The following STARD8 variants were observed in gnomAD, a reference collection of about 807,000 sequenced individuals.
STARD8 encodes StAR related lipid transfer domain containing 8, also known as stAR-related lipid transfer protein 8.
In STARD8, 25 loss-of-function variants were observed where a neutral mutation model predicts 69.4. The ratio of observed to expected loss-of-function variants is 0.36; its 90% CI spans 0.26 to 0.50. The LOEUF (loss-of-function observed/expected upper bound fraction) is 0.50, where lower values mean the gene tolerates loss of function less well. STARD8 is among the 20% of genes least tolerant of loss of function. STARD8 has a pLI of 0.96. For missense variants in STARD8, 921 were observed against 932.5 expected (o/e 0.99, Z 0.16); for synonymous variants, 389 against 374.6 (o/e 1.04, Z -0.45).
intron 2 of STARD8, among the ~76,000 whole-genome samples, chrX:68,676,297 G>T (rs964297142): frequency 8.9e-6 from 1 of 112,151 alleles, no homozygotes; most frequent in Non-Finnish European, 1.9e-5. Context: ...AGCAAGCCAA[G>T]GTTGTAGCCC....
intron 2 of STARD8, among the ~76,000 whole-genome samples, chrX:68,668,375 G>A (rs1306644943): frequency 1.0e-5 from 1 of 100,261 alleles, no homozygotes; most frequent in African/African-American, 3.7e-5. Flanking sequence ...TCAGGCTGAA[G>A]CGCAGTGGTG....
rs145453283 is a variant in STARD8, at chrX:68,718,136, G to A, written c.1222G>A (p.Ala408Thr). The A allele has an allele frequency of 1.4e-4, 170 of 1,210,157 alleles. No individual in the cohort carries two copies. In the African/African-American group the frequency reaches 2.5e-3, roughly 18 times the overall value. Reference sequence around the variant, plus strand: ...GCAACGAGTAGAGCTGTGGTCTCGGGCCATGTACCCAGACCTGGGGCCTGG... The same window carrying A: ...GCAACGAGTAGAGCTGTGGTCTCGGACCATGTACCCAGACCTGGGGCCTGG... ...LQQRVELWSR[A>T]MYPDLGPGDE... The change falls in exon 6 of 15, where the codon GCC becomes ACC. Residue 408 changes from alanine to threonine, a missense_variant. Physicochemically the swap from Ala to Thr is moderately conservative, Grantham distance 58. Transcript: ENST00000374599.
chrX:68,702,747 T>C (rs866785728), intron 2 of STARD8, among the ~76,000 whole-genome samples: 1 of 110,803 alleles, frequency 9.0e-6, no homozygotes, highest in Non-Finnish European at 1.9e-5. Flanking sequence ...AGAGATATTA[T>C]TGGAGCACTT....
intron 3 of STARD8, among the ~76,000 whole-genome samples, chrX:68,713,983 C>A (rs754804359): frequency 1.2e-3 from 134 of 111,894 alleles, no homozygotes; most frequent in Non-Finnish European, 1.9e-3. Flanking sequence ...CTCCTTGTTC[C>A]CATCTCCTAT....
chrX:68,715,807 G>A lies in STARD8; in HGVS notation c.233+432G>A, dbSNP rs186928766. On this transcript the variant is annotated intron_variant, in intron 4 of 14. Transcript: ENST00000374599. Reference sequence around the variant, plus strand: ...AGATCGATCTAGATCCACCAGCGTCGCATTGTAACAGCTCCAAATGGTTGT... The same window carrying A: ...AGATCGATCTAGATCCACCAGCGTCACATTGTAACAGCTCCAAATGGTTGT... Among the ~76,000 whole-genome samples, 721 of 111,417 alleles carry A rather than the reference G, an allele frequency of 6.5e-3. 3 individuals are homozygous for A. The highest frequency in any genetic ancestry group is 0.022 in the African/African-American group (685 of 30,633).
At position 68,724,334 on chromosome X, in the gene STARD8, T is replaced by C. The variant is rs745813293; in HGVS notation, c.3224T>C (p.Val1075Ala). The change falls in exon 15 of 15, where the codon GTC (valine) becomes GCC (alanine). Residue 1075 changes from valine to alanine, a missense_variant. Val to Ala is a moderately conservative substitution (Grantham distance 64). Transcript: ENST00000374599. The part of the protein sequence containing the change: ...RGRSPDWYNK[V>A]FGHLCAMEVA... ...CGTTCTCCTGACTGGTACAACAAAGTCTTTGGACACCTGTGTGCCATGGAA... is the reference window on the plus strand; with the variant it reads ...CGTTCTCCTGACTGGTACAACAAAGCCTTTGGACACCTGTGTGCCATGGAA... 4 of 1,209,914 alleles carry C rather than the reference T, an allele frequency of 3.3e-6. No homozygotes were observed. The highest frequency in any genetic ancestry group is 1.8e-5 in the South Asian group (1 of 56,426).
At chrX:68,663,620 G>A (rs1397137204) in intron 1 of STARD8, among the ~76,000 whole-genome samples, 1 of 111,421 alleles carries the variant, frequency 9.0e-6, no homozygotes, top group East Asian at 2.8e-4. Context: ...ATAGAGTACA[G>A]TCTGTCCCAC....
At chrX:68,676,391 G>GA (rs1356746212) in intron 2 of STARD8, among the ~76,000 whole-genome samples, 3 of 112,426 alleles carry the variant, frequency 2.7e-5, no homozygotes, top group Non-Finnish European at 5.6e-5. Flanking sequence ...ATGAGGAAAG[G>GA]AAAGAAAACA....
In STARD8 at chrX:68,647,683, C is replaced by A; in HGVS notation, c.-200C>A. Reference sequence around the variant, plus strand: ...CCTCCCTCGGTGGCCTTCCAGGAGGCGGGAGGCGCCCGCTGTCGAGGCAGC... The same window carrying A: ...CCTCCCTCGGTGGCCTTCCAGGAGGAGGGAGGCGCCCGCTGTCGAGGCAGC... On this transcript the variant is annotated 5_prime_UTR_variant, in exon 1 of 15. Transcript: ENST00000374599. 2.2e-6 allele frequency: 1 copy of A among 459,445 alleles called. No homozygotes were observed. The highest frequency in any genetic ancestry group is 3.6e-6 in the Non-Finnish European group (1 of 277,600). The allele number at this position is 459,445 out of a possible 1,213,427, so 37.9% of individuals were successfully genotyped here.
At chrX:68,708,129 C>A (rs931816787) in intron 2 of STARD8, among the ~76,000 whole-genome samples, 2 of 112,194 alleles carry the variant, frequency 1.8e-5, no homozygotes, top group Admixed American at 9.4e-5. Flanking sequence ...CCAGCAAAAG[C>A]CCGATCAAAT....
rs1044710818 is a variant in STARD8, at chrX:68,690,434, G to C, written c.80-22480G>C. On this transcript the variant is annotated intron_variant, in intron 2 of 14. Transcript: ENST00000374599. ...GCAACTCCCATTCCCAGGCAGGCAG[G>C]GCGGGGGGACTGTTGGGAGTCCTCA... Among the ~76,000 whole-genome samples the C allele has an allele frequency of 2.6e-4, 28 of 107,772 alleles. No homozygotes were observed. In the East Asian group the frequency reaches 3.2e-3, roughly 12 times the overall value. The allele number at this position is 107,772 out of a possible 115,157, so 93.6% of individuals were successfully genotyped here. A position where few individuals can be genotyped will look rare whatever the true frequency, so the allele number is the denominator to read the frequency against.
At chrX:68,714,525 T>G (rs1043949386) in intron 3 of STARD8, among the ~76,000 whole-genome samples, 1 of 112,248 alleles carries the variant, frequency 8.9e-6, no homozygotes, top group African/African-American at 3.2e-5. Flanking sequence ...CAGCCTCCCT[T>G]TACACTATCA....
chrX:68,700,208 A>G (rs759499722), intron 2 of STARD8, among the ~76,000 whole-genome samples: 301 of 112,224 alleles, frequency 2.7e-3, no homozygotes, highest in Non-Finnish European at 4.7e-3. Context: ...GATGATGACT[A>G]TGAGTCCTCC....
intron 2 of STARD8, among the ~76,000 whole-genome samples, chrX:68,700,013 G>A (rs377360597): frequency 2.3e-4 from 26 of 111,257 alleles, no homozygotes; most frequent in Admixed American, 9.6e-4. Flanking sequence ...GGCTTCCAGC[G>A]TACCCTGCTT....
Position 68,688,597 on chromosome X carries a change from C to T in STARD8, c.79+23065C>T, listed in dbSNP as rs138025177. On this transcript the variant is annotated intron_variant, in intron 2 of 14. Transcript: ENST00000374599. ...TTTGGGAGCTGCAGCCCTGGAGGGA[C>T]ACTGGAAAGGATCCCAGACAAGGAG... 9.0e-3 allele frequency among the ~76,000 whole-genome samples: 1,005 copies of T among 111,457 alleles called. 7 individuals are homozygous for T. The highest frequency in any genetic ancestry group is 0.031 in the African/African-American group (940 of 30,585).
intron 2 of STARD8, among the ~76,000 whole-genome samples, chrX:68,678,054 G>A (rs991250750): frequency 9.0e-6 from 1 of 110,840 alleles, no homozygotes; most frequent in African/African-American, 3.3e-5. Flanking sequence ...ACTTATGCAG[G>A]GAATTTGCGG....
intron 2 of STARD8, among the ~76,000 whole-genome samples, chrX:68,696,075 A>G (rs1275780558): frequency 1.8e-5 from 2 of 112,727 alleles, no homozygotes; most frequent in Non-Finnish European, 3.8e-5. Flanking sequence ...TCTGCCTTGA[A>G]AAGAAGAGAA....
chrX:68,684,000 G>A (rs1190644912), intron 2 of STARD8, among the ~76,000 whole-genome samples: 1 of 112,502 alleles, frequency 8.9e-6, no homozygotes, highest in Non-Finnish European at 1.9e-5. Flanking sequence ...GGGTAATGAT[G>A]ATGATATATA....
At chrX:68,707,591 G>A (rs1202141262) in intron 2 of STARD8, among the ~76,000 whole-genome samples, 1 of 111,876 alleles carries the variant, frequency 8.9e-6, no homozygotes, top group Admixed American at 9.5e-5. Context: ...GGGCCCATTA[G>A]TAAAAGCTCC....
Sources: allele counts gnomAD v4.1 joint callset (sites outside exome capture counted in the v4.1 genomes callset), GRCh38; gene constraint gnomAD v4.1.1; transcripts MANE v1.5; gene names NCBI Gene and HGNC (gene_info 2026-07-23, HGNC 2026-07-21).